DMD: variants seen among roughly 807,000 people sequenced by gnomAD.
DMD encodes mutant dystrophin.
A neutral mutation model predicts 330.1 loss-of-function variants in DMD; 63 were observed. The observed-to-expected ratio is 0.19, with a 90% CI of 0.16 to 0.24. The LOEUF (loss-of-function observed/expected upper bound fraction) is 0.24. Ranked by LOEUF, DMD falls within the 10% of genes least tolerant of loss-of-function variation. The probability of loss-of-function intolerance (pLI) is 1.00; values close to 1 mark genes in which losing one functional copy is unlikely to be tolerated. For synonymous variants in DMD, 1,223 were observed against 959.8 expected (o/e 1.27, Z -5.07); for missense variants, 3,344 against 2,684.1 (o/e 1.25, Z -5.43).
At chrX:31,146,776 G>C (rs767471594) in intron 75 of DMD, among the ~76,000 whole-genome samples, 4 of 112,228 alleles carry the variant, frequency 3.6e-5, no homozygotes, top group Admixed American at 9.4e-5. Flanking sequence ...TAAGTAACAA[G>C]ATAGAGAGAA....
chrX:33,081,257 T>C (rs1227793616), intron 1 of DMD, among the ~76,000 whole-genome samples: 4 of 109,378 alleles, frequency 3.7e-5, no homozygotes, highest in African/African-American at 1.4e-4. Flanking sequence ...CTACCCTACA[T>C]TTCTTTTCTT....
chrX:33,041,788 G>T (rs899651422), intron 1 of DMD: 8 of 1,027,693 alleles, frequency 7.8e-6, no homozygotes, highest in Non-Finnish European at 1.1e-5. Context: ...CATTATTTTT[G>T]ACCACTGCGG....
At chrX:33,071,478 G>A (rs773914551) in intron 1 of DMD, among the ~76,000 whole-genome samples, 1 of 106,477 alleles carries the variant, frequency 9.4e-6, no homozygotes, top group East Asian at 2.9e-4. Flanking sequence ...TGGAGATTCA[G>A]ATTTGATAAT....
chrX:33,208,521 T>C (rs1486328549), intron 1 of DMD, among the ~76,000 whole-genome samples: 2 of 111,066 alleles, frequency 1.8e-5, no homozygotes, highest in African/African-American at 6.5e-5. Context: ...TTCTGTGTTG[T>C]CAGACAGGGA....
rs1166560685 is a variant in DMD, at chrX:32,863,553, C to T, written c.94-13733G>A. Among the ~76,000 whole-genome samples the T allele has an allele frequency of 9.6e-4, 98 of 102,542 alleles. 2 individuals are homozygous for T. Among genetic ancestry groups the T allele is most frequent in the African/African-American group, 3.6e-3 (95 of 26,448 alleles). 89.0% of individuals were successfully genotyped at this position (102,542 alleles called of 115,157 possible). ...TTGTGTTTATACACACACACACACACACACACACACACACACACACAAATA... is the reference window on the plus strand; with the variant it reads ...TTGTGTTTATACACACACACACACATACACACACACACACACACACAAATA... On this transcript the variant is annotated intron_variant, in intron 2 of 78. Coordinates refer to ENST00000357033, the MANE Select transcript of DMD (RefSeq NM_004006.3).
chrX:31,178,032 A>C, intron 70 of DMD, 62 bp from the exon 71 acceptor site: 2 of 1,125,131 alleles, frequency 1.8e-6, no homozygotes, highest in Non-Finnish European at 1.2e-6. Context: ...AAAAAAATTT[A>C]CTGAAAGGTC....
intron 50 of DMD, among the ~76,000 whole-genome samples, chrX:31,775,981 A>C (rs2149252459): frequency 8.9e-6 from 1 of 112,526 alleles, no homozygotes; most frequent in Admixed American, 9.4e-5. Flanking sequence ...ATAAAGAAAA[A>C]GTTTTGTTTC....
At position 32,880,474 on chromosome X, in the gene DMD, A is replaced by C. The variant is rs142066711; in HGVS notation, c.94-30654T>G. On this transcript the variant is annotated intron_variant, in intron 2 of 78. Transcript: ENST00000357033. ...TTTCAACCCCAATACAACCCTAGCC[A>C]AGCAAAATTCGTCTCTTCTTCCTTC... 3.3e-3 allele frequency among the ~76,000 whole-genome samples: 364 copies of C among 111,582 alleles called. 8 individuals are homozygous for C. The East Asian group carries it at 0.064, about 20-fold the overall frequency.
chrX:33,292,440 G>A (rs945714031), intron 1 of DMD, among the ~76,000 whole-genome samples: 5 of 110,780 alleles, frequency 4.5e-5, no homozygotes, highest in Admixed American at 9.7e-5. Context: ...ATACATATTC[G>A]GAAGATCTTC....
At chrX:31,398,248 C>T (rs1354408157) in intron 60 of DMD, among the ~76,000 whole-genome samples, 1 of 111,920 alleles carries the variant, frequency 8.9e-6, no homozygotes, top group African/African-American at 3.2e-5. Context: ...CAATTTAAAT[C>T]TAGAGCCTCT....
At chrX:32,946,351 A>G (rs1256811571) in intron 2 of DMD, among the ~76,000 whole-genome samples, 1 of 111,433 alleles carries the variant, frequency 9.0e-6, no homozygotes, top group Non-Finnish European at 1.9e-5. Context: ...TGTTACAAAA[A>G]CAATGTATGT....
chrX:33,182,900 C>T (rs2148749899), intron 1 of DMD, among the ~76,000 whole-genome samples: 1 of 111,946 alleles, frequency 8.9e-6, no homozygotes, highest in Admixed American at 9.5e-5. Context: ...AGTACTAGAA[C>T]ATGAACCTTT....
chrX:31,904,054 G>T (rs2094451595), intron 47 of DMD, among the ~76,000 whole-genome samples: 1 of 111,240 alleles, frequency 9.0e-6, no homozygotes, highest in African/African-American at 3.3e-5. Flanking sequence ...TCTGTATTTG[G>T]GAGCCTCAGT....
At chrX:31,746,934 G>T (rs2087895427) in intron 51 of DMD, among the ~76,000 whole-genome samples, 1 of 111,351 alleles carries the variant, frequency 9.0e-6, no homozygotes, top group Non-Finnish European at 1.9e-5. Flanking sequence ...TTAACAACTA[G>T]GTCTCATTCT....
chrX:31,685,398 G>A (rs1234553775), intron 52 of DMD, among the ~76,000 whole-genome samples: 1 of 111,723 alleles, frequency 9.0e-6, no homozygotes, highest in Admixed American at 9.5e-5. Flanking sequence ...GTAGATCTTT[G>A]ATAACGGAAC....
intron 1 of DMD, among the ~76,000 whole-genome samples, chrX:33,242,471 G>A (rs1389187207): frequency 8.9e-6 from 1 of 112,007 alleles, no homozygotes; most frequent in Non-Finnish European, 1.9e-5. Flanking sequence ...TTATACCACA[G>A]TTTCTCTTTA....
At chrX:32,584,210 T>C (rs1352682280) in intron 13 of DMD, among the ~76,000 whole-genome samples, 1 of 111,381 alleles carries the variant, frequency 9.0e-6, no homozygotes, top group African/African-American at 3.3e-5. Context: ...CATCAGTATA[T>C]ACAAATGAAA....
At chrX:32,723,173 G>T (rs1299601002) in intron 7 of DMD, among the ~76,000 whole-genome samples, 2 of 111,490 alleles carry the variant, frequency 1.8e-5, no homozygotes, top group Admixed American at 9.6e-5. Flanking sequence ...TGCTTTTTCT[G>T]CATGTATTGA....
chrX:31,235,325 C>T (rs2047618045), intron 63 of DMD, among the ~76,000 whole-genome samples: 1 of 112,258 alleles, frequency 8.9e-6, no homozygotes, highest in Non-Finnish European at 1.9e-5. Context: ...AAATTTCCTA[C>T]ATAAGCCATG....
Sources: allele counts gnomAD v4.1 joint callset (sites outside exome capture counted in the v4.1 genomes callset), GRCh38; gene constraint gnomAD v4.1.1; transcripts MANE v1.5; gene names NCBI Gene and HGNC (gene_info 2026-07-23, HGNC 2026-07-21).